CYP4X1: variants seen among roughly 807,000 people sequenced by gnomAD.
CYP4X1 encodes cytochrome P450 family 4 subfamily X member 1, also known as cytochrome P450 4X1.
In CYP4X1, 44 loss-of-function variants were observed where a neutral mutation model predicts 57.9. The ratio of observed to expected loss-of-function variants is 0.76; its 90% CI spans 0.60 to 0.98. CYP4X1 has a LOEUF of 0.98. Ranked by LOEUF, CYP4X1 falls within the 50% of genes least tolerant of loss-of-function variation. The probability of loss-of-function intolerance (pLI) is 0.00; values close to 1 mark genes in which losing one functional copy is unlikely to be tolerated. For missense variants in CYP4X1, 532 were observed against 623.9 expected (o/e 0.85, Z 1.57); for synonymous variants, 227 against 228.6 (o/e 0.99, Z 0.06).
chr1:47,016,270 T>C, the CYP4X1 span, among the ~76,000 whole-genome samples: 1 of 151,804 alleles, frequency 6.6e-6, no homozygotes, highest in South Asian at 2.1e-4. Flanking sequence ...TTTTAAAGCC[T>C]AATTAGGAAG....
At chr1:47,052,599 CAT>C (rs1031680191), downstream of CYP4X1, among the ~76,000 whole-genome samples, 2 of 152,088 alleles carry the variant, frequency 1.3e-5, no homozygotes, top group African/African-American at 2.4e-5. Context: ...CATTTACAAA[CAT>C]AGCATATTTA....
At chr1:47,054,881 T>A (rs1451204441), downstream of CYP4X1, among the ~76,000 whole-genome samples, 1 of 152,208 alleles carries the variant, frequency 6.6e-6, no homozygotes, top group African/African-American at 2.4e-5. Context: ...ACAATTTGAC[T>A]TCCTCTTTTC....
upstream of CYP4X1, among the ~76,000 whole-genome samples, chr1:47,019,736 T>C (rs1463145644): frequency 6.6e-6 from 1 of 152,218 alleles, no homozygotes; most frequent in East Asian, 1.9e-4. Flanking sequence ...AGAGTTAGAC[T>C]GTCTGACACC....
chr1:47,049,330 A>C, intron 10 of CYP4X1, 92 bp from the exon 11 acceptor site: 1 of 923,672 alleles, frequency 1.1e-6, no homozygotes, highest in Non-Finnish European at 1.8e-6. Flanking sequence ...TGTAGATCAC[A>C]TTATATTTCT....
At chr1:46,961,524 C>G in the CYP4X1 span, 1 of 1,190,512 alleles carries the variant, frequency 8.4e-7, no homozygotes, top group Non-Finnish European at 1.1e-6. Context: ...CTGTGTGTAG[C>G]CACAGGGGTG....
intron 8 of CYP4X1, among the ~76,000 whole-genome samples, chr1:47,042,141 C>CT (rs1557609264): frequency 1.3e-5 from 2 of 151,906 alleles, no homozygotes; most frequent in Non-Finnish European, 2.9e-5. Flanking sequence ...TTATATGTCT[C>CT]TTTTTTTAGA....
the CYP4X1 span, among the ~76,000 whole-genome samples, chr1:47,012,443 G>A: frequency 2.6e-5 from 4 of 152,180 alleles, no homozygotes; most frequent in African/African-American, 9.7e-5. Context: ...AGTATTAGGA[G>A]AAATACCTAA....
the CYP4X1 span, among the ~76,000 whole-genome samples, chr1:46,977,289 A>G: frequency 5.1e-3 from 774 of 152,276 alleles, 9 homozygotes; most frequent in African/African-American, 0.017. Flanking sequence ...AAATCACCCA[A>G]TGGAGCTGAA....
chr1:47,014,071 G>A, the CYP4X1 span, among the ~76,000 whole-genome samples: 2 of 151,958 alleles, frequency 1.3e-5, no homozygotes, highest in African/African-American at 4.8e-5. Flanking sequence ...CACCCCACCT[G>A]GCCCTCAATG....
At chr1:47,027,095 GT>G (rs1020540182) in intron 1 of CYP4X1, among the ~76,000 whole-genome samples, 8 of 150,908 alleles carry the variant, frequency 5.3e-5, no homozygotes, top group African/African-American at 1.5e-4. Flanking sequence ...TATTTGTTTT[GT>G]TCTTTTTAAT....
chr1:47,028,820 T>A (rs1644097453), intron 1 of CYP4X1, among the ~76,000 whole-genome samples: 1 of 152,220 alleles, frequency 6.6e-6, no homozygotes, highest in South Asian at 2.1e-4. Context: ...AGACAATAAA[T>A]ACTTGTGTGT....
chr1:47,010,465 G>A, the CYP4X1 span, among the ~76,000 whole-genome samples: 1 of 152,146 alleles, frequency 6.6e-6, no homozygotes, highest in Non-Finnish European at 1.5e-5. Context: ...TACTGAATGG[G>A]CAAAAACTGG....
upstream of CYP4X1, among the ~76,000 whole-genome samples, chr1:47,019,765 T>A (rs1643977481): frequency 6.6e-6 from 1 of 152,240 alleles, no homozygotes. Context: ...CTCTCTGATG[T>A]CCTTGGACAA....
chr1:46,976,813 G>T, the CYP4X1 span, among the ~76,000 whole-genome samples: 2 of 152,174 alleles, frequency 1.3e-5, no homozygotes, highest in African/African-American at 4.8e-5. Flanking sequence ...GCCTCTGCTG[G>T]TGATACCCAG....
the CYP4X1 span, chr1:46,961,812 G>A: frequency 5.5e-6 from 7 of 1,273,646 alleles, no homozygotes; most frequent in South Asian, 8.8e-5. Context: ...GGTGCTGGAT[G>A]ACCTCTGCCC....
At chr1:46,988,729 C>T in the CYP4X1 span, among the ~76,000 whole-genome samples, 1 of 152,162 alleles carries the variant, frequency 6.6e-6, no homozygotes, top group Non-Finnish European at 1.5e-5. Flanking sequence ...GTTGGTTTAA[C>T]ATATGCAAAT....
chr1:46,987,193 A>G, the CYP4X1 span, among the ~76,000 whole-genome samples: 1 of 152,198 alleles, frequency 6.6e-6, no homozygotes, highest in Admixed American at 6.5e-5. Context: ...AATATTTACC[A>G]AGCAAATGGA....
the CYP4X1 span, among the ~76,000 whole-genome samples, chr1:46,994,759 A>G: frequency 6.6e-6 from 1 of 152,164 alleles, no homozygotes; most frequent in Non-Finnish European, 1.5e-5. Flanking sequence ...TGTCCATATC[A>G]CTCAAAAATA....
chr1:47,004,467 C>T, the CYP4X1 span, among the ~76,000 whole-genome samples: 2 of 152,166 alleles, frequency 1.3e-5, no homozygotes, highest in Non-Finnish European at 2.9e-5. Flanking sequence ...CAACTCAGGA[C>T]CCTTGGTGGG....
Sources: allele counts gnomAD v4.1 joint callset (sites outside exome capture counted in the v4.1 genomes callset), GRCh38; gene constraint gnomAD v4.1.1; transcripts MANE v1.5; gene names NCBI Gene and HGNC (gene_info 2026-07-23, HGNC 2026-07-21).